FER: variants seen among roughly 807,000 people sequenced by gnomAD.
FER encodes tyrosine-protein kinase Fer.
Under a neutral mutation model 111.0 loss-of-function variants are expected in FER, and 63 were observed. The ratio of observed to expected loss-of-function variants is 0.57; its 90% confidence interval spans 0.46 to 0.70. FER has a LOEUF of 0.70. Among genes scored for constraint, FER ranks in the 30% least tolerant of loss-of-function variants. The probability of loss-of-function intolerance (pLI) is 0.00; values close to 1 mark genes in which losing one functional copy is unlikely to be tolerated. For synonymous variants in FER, 327 were observed against 313.9 expected (o/e 1.04, Z -0.44); for missense variants, 914 against 954.0 (o/e 0.96, Z 0.55).
chr5:108,862,614 C>T (rs1763638717), intron 5 of FER, among the ~76,000 whole-genome samples: 1 of 152,066 alleles, frequency 6.6e-6, no homozygotes, highest in Non-Finnish European at 1.5e-5. Context: ...ACCTTTTGAA[C>T]TGACAGTAAA....
At chr5:109,123,358 G>GT (rs1751257080) in intron 17 of FER, among the ~76,000 whole-genome samples, 1 of 151,616 alleles carries the variant, frequency 6.6e-6, no homozygotes, top group African/African-American at 2.4e-5. Flanking sequence ...GGGTTTCACC[G>GT]TGTTAGCCGG....
Position 109,175,842 on chromosome 5 carries a change from G to A in FER, c.2049-4905G>A, listed in dbSNP as rs143419967. On this transcript the variant is annotated intron_variant, in intron 17 of 19. Coordinates refer to ENST00000281092, the MANE Select transcript of FER (RefSeq NM_005246.4). ...GTCATCAAAAGACAACGCCAGGTGC[G>A]GTGGCTCACACCTGCAATTCCAACA... Among the ~76,000 whole-genome samples, 140 of 152,256 alleles carry A rather than the reference G, an allele frequency of 9.2e-4. 1 individual carries two copies. The highest frequency in any genetic ancestry group is 2.8e-3 in the African/African-American group (116 of 41,534).
intron 16 of FER, among the ~76,000 whole-genome samples, chr5:109,071,484 A>G (rs902699999): frequency 4.0e-5 from 6 of 150,402 alleles, no homozygotes; most frequent in African/African-American, 1.5e-4. Context: ...TTTTATAGTG[A>G]CAAATAAATG....
chr5:109,192,931 A>G lies in FER; in HGVS notation c.*5356A>G, dbSNP rs1439466830. 6.6e-6 allele frequency: 1 copy of G among 152,182 alleles called. No individual in the cohort carries two copies. Among genetic ancestry groups the G allele is most frequent in the East Asian group, 1.9e-4 (1 of 5,196 alleles). 9.4% of individuals were successfully genotyped at this position (152,182 alleles called of 1,614,324 possible). A position where few individuals can be genotyped will look rare whatever the true frequency, so the allele number is the denominator to read the frequency against. ...GTCAGGGTGCCTAAGGTAAGACACA[A>G]AAAGAAAGAGACATCCAGAAAGGAA... On this transcript the variant is annotated 3_prime_UTR_variant, in exon 20 of 20. Transcript: ENST00000281092.
Position 108,959,901 on chromosome 5 carries a change from A to G in FER, c.1656+554A>G, listed in dbSNP as rs920701268. ...ATCTATCACAGAAAACACTACTTACATGTGCTTTACAAGATTTGTTCAATA... is the reference window on the plus strand; with the variant it reads ...ATCTATCACAGAAAACACTACTTACGTGTGCTTTACAAGATTTGTTCAATA... On this transcript the variant is annotated intron_variant, in intron 13 of 19. Transcript: ENST00000281092. Among the ~76,000 whole-genome samples the G allele has an allele frequency of 3.3e-5, 5 of 152,092 alleles. 1 individual carries two copies. Among genetic ancestry groups the G allele is most frequent in the Non-Finnish European group, 5.9e-5 (4 of 67,970 alleles).
rs1336264873 is a variant in FER at position 109,100,386 on chromosome 5, A to T, written c.1925-10A>T. The T allele has an allele frequency of 1.9e-6, 3 of 1,608,962 alleles. No individual in the cohort carries two copies. In the African/African-American group the frequency reaches 4.0e-5, roughly 22 times the overall value. ...ACTTTGTCTCATTGTTCATCTATCA[A>T]TTCCTCTAGGAGGTGATTTCCTCAC... is the stretch of plus-strand genomic sequence containing the variant. On this transcript the variant is annotated splice_polypyrimidine_tract_variant and intron_variant, in intron 16 of 19. Transcript: ENST00000281092.
chr5:109,009,801 G>A (rs192485630), intron 13 of FER, among the ~76,000 whole-genome samples: 51 of 152,318 alleles, frequency 3.3e-4, no homozygotes, highest in African/African-American at 1.0e-3. Flanking sequence ...CTGACAGGTT[G>A]ATTAAGGGAT....
chr5:108,934,085 G>A (rs1434336867), intron 10 of FER, among the ~76,000 whole-genome samples: 3 of 152,052 alleles, frequency 2.0e-5, no homozygotes, highest in Admixed American at 1.3e-4. Context: ...TTGCCCTGGC[G>A]AGAACTTTCA....
chr5:108,914,422 T>C (rs866868831), intron 10 of FER, among the ~76,000 whole-genome samples: 1 of 152,236 alleles, frequency 6.6e-6, no homozygotes, highest in African/African-American at 2.4e-5. Context: ...GTACCTCTTA[T>C]TCTTTCTCTT....
intron 16 of FER, among the ~76,000 whole-genome samples, chr5:109,087,022 A>G (rs1777642633): frequency 1.3e-5 from 2 of 148,438 alleles, no homozygotes; most frequent in African/African-American, 2.5e-5. Context: ...TGGGGACTTC[A>G]TTTTACCTGA....
At chr5:108,862,000 G>A (rs1337873752) in intron 5 of FER, among the ~76,000 whole-genome samples, 4 of 152,130 alleles carry the variant, frequency 2.6e-5, no homozygotes, top group Non-Finnish European at 2.9e-5. Context: ...TTGATAATGT[G>A]CATGCATAAG....
chr5:109,085,357 G>A (rs1283107663), intron 16 of FER, among the ~76,000 whole-genome samples: 1 of 151,108 alleles, frequency 6.6e-6, no homozygotes, highest in Non-Finnish European at 1.5e-5. Flanking sequence ...TACTTTTCAA[G>A]TATTTTTTTC....
intron 13 of FER, among the ~76,000 whole-genome samples, chr5:109,034,094 C>T (rs910502027): frequency 6.6e-6 from 1 of 152,116 alleles, no homozygotes; most frequent in East Asian, 1.9e-4. Flanking sequence ...TTACTCCTCC[C>T]ATCTAACTGA....
At chr5:109,123,738 GATCA>G (rs1751315187) in intron 17 of FER, among the ~76,000 whole-genome samples, 2 of 151,556 alleles carry the variant, frequency 1.3e-5, no homozygotes, top group Admixed American at 6.6e-5. Flanking sequence ...TTATATTATC[GATCA>G]GACTGAAATT....
chr5:108,906,093 C>T (rs1202558507), intron 10 of FER, among the ~76,000 whole-genome samples: 1 of 152,076 alleles, frequency 6.6e-6, no homozygotes, highest in Non-Finnish European at 1.5e-5. Context: ...TTTTCTGTCC[C>T]CATTTCCCAG....
intron 19 of FER, 139 bp from the exon 20 acceptor site, chr5:109,187,294 C>T: frequency 1.3e-6 from 1 of 786,902 alleles, no homozygotes; most frequent in South Asian, 2.2e-5. Flanking sequence ...AAAAACTCAG[C>T]CTCCCCAGAA....
intron 14 of FER, among the ~76,000 whole-genome samples, chr5:109,038,830 G>T (rs561155789): frequency 6.6e-6 from 1 of 151,938 alleles, no homozygotes; most frequent in East Asian, 1.9e-4. Context: ...AGACTTTTTA[G>T]TACTACGAAA....
intron 13 of FER, among the ~76,000 whole-genome samples, chr5:109,007,598 A>G (rs1330373110): frequency 6.6e-6 from 1 of 152,208 alleles, no homozygotes; most frequent in Non-Finnish European, 1.5e-5. Context: ...TGTTGCACAA[A>G]TCAGTAATTT....
intron 17 of FER, among the ~76,000 whole-genome samples, chr5:109,119,440 AT>A (rs1554141262): frequency 6.6e-6 from 1 of 152,160 alleles, no homozygotes; most frequent in Non-Finnish European, 1.5e-5. Flanking sequence ...TATGTGGTCA[AT>A]TTTGGAATAA....
Sources: allele counts gnomAD v4.1 joint callset (sites outside exome capture counted in the v4.1 genomes callset), GRCh38; gene constraint gnomAD v4.1.1; transcripts MANE v1.5; gene names NCBI Gene and HGNC (gene_info 2026-07-23, HGNC 2026-07-21).